Variants in ABCF2 observed in about 807,000 individuals in gnomAD.
ABCF2 encodes the protein ATP binding cassette subfamily F member 2, also known as ATP-binding cassette sub-family F member 2.
Under a neutral mutation model 76.9 loss-of-function variants are expected in ABCF2, and 37 were observed. The observed-to-expected ratio is 0.48, with a 90% CI of 0.37 to 0.63. ABCF2 has a LOEUF of 0.63. Among genes scored for constraint, ABCF2 ranks in the 30% least tolerant of loss-of-function variants. The pLI is 0.00. For synonymous variants in ABCF2, 299 were observed against 283.7 expected, an observed-to-expected ratio of 1.05 and a Z score of -0.54; for missense variants, 524 against 782.1, an observed-to-expected ratio of 0.67 and a Z score of 3.94.
At chr7:151,219,728 T>C (rs1802229036) in intron 7 of ABCF2, among the ~76,000 whole-genome samples, 2 of 152,256 alleles carry the variant, frequency 1.3e-5, no homozygotes, top group African/African-American at 4.8e-5. Context: ...AGATTGTGAT[T>C]GATTTATATA....
At position 151,223,175 on chromosome 7, in the gene ABCF2, T is replaced by C. The variant is rs1802305901; in HGVS notation, c.722+503A>G. Among the ~76,000 whole-genome samples the C allele has an allele frequency of 2.6e-5, 4 of 152,288 alleles. No individual in the cohort carries two copies. The South Asian group carries it at 8.3e-4, about 32-fold the overall frequency. On this transcript the variant is annotated intron_variant, in intron 5 of 14. Coordinates refer to ENST00000287844, the MANE Select transcript of ABCF2 (RefSeq NM_007189.3). ...TTCTAGAGAAGTATATCAAGTCTTA[T>C]AAATTCCCTTCACAGAGAATGATGG...
chr7:151,217,791 C>CAA (rs376651941), intron 11 of ABCF2, among the ~76,000 whole-genome samples: 4 of 131,660 alleles, frequency 3.0e-5, no homozygotes, highest in Non-Finnish European at 3.3e-5. Context: ...GACTCCACCT[C>CAA]AAAAAAAAAA....
chr7:151,223,557 ATGTCCATGTCTCATT>A, intron 5 of ABCF2, 106 bp downstream of exon 5: 1 of 1,160,542 alleles, frequency 8.6e-7, no homozygotes, highest in Non-Finnish European at 1.2e-6. Flanking sequence ...CACACTGCAG[ATGTCCATGTCTCATT>A]TGACACTTAC....
chr7:151,215,581 T>C lies in ABCF2; in HGVS notation c.1530+23A>G, dbSNP rs547687933. 1.7e-4 allele frequency: 274 copies of C among 1,613,522 alleles called. 3 individuals are homozygous for C. The South Asian group carries it at 2.7e-3, about 16-fold the overall frequency. On this transcript the variant is annotated intron_variant, in intron 13 of 14. Transcript: ENST00000287844. This position sits in a 1 kb window ranked among gnomAD's most constrained non-coding sequence, Gnocchi z 4.6. ...ACAGTCTGCCAGCTATCTGGCATCC[T>C]CACCACACCCTCCTTTACTGACCTG...
In ABCF2 at chr7:151,211,560, T is replaced by C; in HGVS notation, c.*2494A>G. ...CAAGGTTGACATTTTTCTTGACAAA[T>C]AAGCTGACTAGACTATTTCCATTCC... is the stretch of plus-strand genomic sequence containing the variant. On this transcript the variant is annotated 3_prime_UTR_variant, in exon 15 of 15. Transcript: ENST00000287844. 1.0e-6 allele frequency: 1 copy of C among 985,382 alleles called. No individual in the cohort carries two copies. The highest frequency in any genetic ancestry group is 1.2e-6 in the Non-Finnish European group (1 of 829,874). The allele number at this position is 985,382 out of a possible 1,614,324, so 61.0% of individuals were successfully genotyped here.
In ABCF2 at chr7:151,219,096, G is replaced by A; in HGVS notation, c.985C>T (p.His329Tyr). ...TGTGCAATCTGATCTTGCTCCCAGT[G>A]AAACCTCTTCATCTGGTTCTCCTCC... ...ELEENQMKRFHWEQDQIAHMK... is the reference protein window; with the variant it reads ...ELEENQMKRFYWEQDQIAHMK... Residue 329 changes from histidine to tyrosine, a missense_variant, in exon 8 of 15, where the codon CAC (histidine) becomes TAC (tyrosine). Around this residue, in one of 2 missense-constraint regions of ABCF2, gnomAD observed 330 missense variants for 433.6 expected, o/e 0.76. Transcript: ENST00000287844. 6.2e-7 allele frequency: 1 copy of A among 1,614,062 alleles called. No homozygotes were observed. The highest frequency in any genetic ancestry group is 8.5e-7 in the Non-Finnish European group (1 of 1,180,030).
At chr7:151,219,465 G>A (rs1802223489) in intron 7 of ABCF2, among the ~76,000 whole-genome samples, 1 of 152,186 alleles carries the variant, frequency 6.6e-6, no homozygotes, top group South Asian at 2.1e-4. Context: ...ACGTCACGAG[G>A]CTCAGAGCCT....
intron 1 of ABCF2, 25 bp from the exon 2 acceptor site, chr7:151,226,525 C>T (rs1021869473): frequency 2.0e-6 from 3 of 1,535,670 alleles, no homozygotes; most frequent in African/African-American, 1.4e-5. Flanking sequence ...ACAGATACCC[C>T]CAAACCCTAA....
rs1055270021 is a variant in ABCF2 at position 151,213,155 on chromosome 7, A to G, written c.*899T>C. ...CCACGCTCCTGGACAGTGGTTCTCA[A>G]AATAGTCTCTAGACCAGCAACAACA... is the stretch of plus-strand genomic sequence containing the variant. On this transcript the variant is annotated 3_prime_UTR_variant, in exon 15 of 15. Coordinates refer to ENST00000287844, the MANE Select transcript of ABCF2 (RefSeq NM_007189.3). 1.0e-6 allele frequency: 1 copy of G among 985,306 alleles called. No individual in the cohort carries two copies. The highest frequency in any genetic ancestry group is 1.7e-5 in the African/African-American group (1 of 57,222). The allele number at this position is 985,306 out of a possible 1,614,324, so 61.0% of individuals were successfully genotyped here. A position where few individuals can be genotyped will look rare whatever the true frequency, so the allele number is the denominator to read the frequency against.
Position 151,214,866 on chromosome 7 carries a change from G to T in ABCF2, c.1734+13C>A. 6.2e-7 allele frequency: 1 copy of T among 1,613,884 alleles called. No homozygotes were observed. The highest frequency in any genetic ancestry group is 1.3e-5 in the African/African-American group (1 of 75,022). ...AAGCTCTGCTGTGCCTCACCCCCTG[G>T]CCAGGGCCTCACCTGCTGAATGAGT... is the stretch of plus-strand genomic sequence containing the variant. On this transcript the variant is annotated intron_variant, in intron 14 of 14. Transcript: ENST00000287844. The surrounding 1 kb of genome is among the most constrained non-coding windows in gnomAD (Gnocchi z 4.9).
Position 151,215,830 on chromosome 7 carries a change from T to G in ABCF2, c.1402-98A>C. 6.3e-7 allele frequency: 1 copy of G among 1,597,466 alleles called. No individual in the cohort carries two copies. Among genetic ancestry groups the G allele is most frequent in the South Asian group, 1.1e-5 (1 of 89,668 alleles). On this transcript the variant is annotated intron_variant, in intron 12 of 14. Coordinates refer to ENST00000287844, the MANE Select transcript of ABCF2 (RefSeq NM_007189.3). This position sits in a 1 kb window ranked among gnomAD's most constrained non-coding sequence, Gnocchi z 4.6. ...CTATTTCTATCCCAGGCACCTGTTCTGGGTTCAAGAAGCAGGTAGGAGCCA... is the reference window on the plus strand; with the variant it reads ...CTATTTCTATCCCAGGCACCTGTTCGGGGTTCAAGAAGCAGGTAGGAGCCA...
At position 151,212,978 on chromosome 7, in the gene ABCF2, G is replaced by A; in HGVS notation, c.*1076C>T. 1.4e-6 allele frequency: 1 copy of A among 710,918 alleles called. No individual in the cohort carries two copies. Among genetic ancestry groups the A allele is most frequent in the Non-Finnish European group, 1.7e-6 (1 of 579,536 alleles). The allele number at this position is 710,918 out of a possible 1,614,324, so 44.0% of individuals were successfully genotyped here. ...CGGGTTTTGCCATGTTTCCCAAGCT[G>A]GTCTTGAACTCCTGAGCTCAAGTGA... On this transcript the variant is annotated 3_prime_UTR_variant, in exon 15 of 15. Coordinates refer to ENST00000287844, the MANE Select transcript of ABCF2 (RefSeq NM_007189.3).
In ABCF2 at chr7:151,213,597, G is replaced by A. The variant is rs1584836499; in HGVS notation, c.*457C>T. ...TAAATAATTATTTAAAAACTGACCA[G>A]GACGAAGGTCCTGGTCCGGAGCTCC... On this transcript the variant is annotated 3_prime_UTR_variant, in exon 15 of 15. Transcript: ENST00000287844. The A allele has an allele frequency of 2.0e-6, 2 of 991,592 alleles. No individual in the cohort carries two copies. The highest frequency in any genetic ancestry group is 2.4e-6 in the Non-Finnish European group (2 of 834,556). 61.4% of individuals were successfully genotyped at this position (991,592 alleles called of 1,614,324 possible).
Position 151,224,831 on chromosome 7 carries a change from G to C in ABCF2, c.312C>G (p.Thr104=). ...TFHGQELLSD[T]KLELNSGRRY... is the part of the protein sequence containing the mutation. ...GACGGCCTGAGTTTAATTCCAGTTT[G>C]GTGTCACTGAGCAGCTCTTGACCAT... The change falls in exon 3 of 15, where the codon ACC becomes ACG. Residue 104 remains threonine, a synonymous_variant. Coordinates refer to ENST00000287844, the MANE Select transcript of ABCF2 (RefSeq NM_007189.3). 6.2e-7 allele frequency: 1 copy of C among 1,614,166 alleles called. No individual in the cohort carries two copies. The highest frequency in any genetic ancestry group is 1.1e-5 in the South Asian group (1 of 91,082).
Position 151,214,275 on chromosome 7 carries a change from A to T in ABCF2, c.1735-84T>A. ...CAGACTGTCCTGAGGGGCGTCTAGGAAGAAAACTCCGCCCCCCAAACCCAT... is the reference window on the plus strand; with the variant it reads ...CAGACTGTCCTGAGGGGCGTCTAGGTAGAAAACTCCGCCCCCCAAACCCAT... On this transcript the variant is annotated intron_variant, in intron 14 of 14. Transcript: ENST00000287844. The surrounding 1 kb of genome is among the most constrained non-coding windows in gnomAD (Gnocchi z 4.9). The T allele has an allele frequency of 6.3e-7, 1 of 1,599,148 alleles. No individual in the cohort carries two copies.
intron 6 of ABCF2, 139 bp from the exon 7 acceptor site, chr7:151,221,819 C>A: frequency 1.5e-6 from 1 of 667,734 alleles, no homozygotes. Flanking sequence ...TAGCAAGCAC[C>A]TAAGCCACGA....
intron 11 of ABCF2, among the ~76,000 whole-genome samples, chr7:151,216,955 G>A (rs1802163570): frequency 6.6e-6 from 1 of 152,134 alleles, no homozygotes; most frequent in Admixed American, 6.5e-5. Context: ...AAGAGTGGTG[G>A]GTTAAACCAA....
Position 151,213,865 on chromosome 7 carries a change from C to T in ABCF2, c.*189G>A, listed in dbSNP as rs1282416200. ...ATGTAACTGGAAGGAGGACAGGAAACAGACAGGTACTGTCCAGCTGTAGGT... is the reference window on the plus strand; with the variant it reads ...ATGTAACTGGAAGGAGGACAGGAAATAGACAGGTACTGTCCAGCTGTAGGT... On this transcript the variant is annotated 3_prime_UTR_variant, in exon 15 of 15. Transcript: ENST00000287844. The T allele has an allele frequency of 9.9e-6, 14 of 1,411,954 alleles. No individual in the cohort carries two copies. Among genetic ancestry groups the T allele is most frequent in the Admixed American group, 3.1e-5 (1 of 32,322 alleles). The allele number at this position is 1,411,954 out of a possible 1,614,324, so 87.5% of individuals were successfully genotyped here.
intron 6 of ABCF2, among the ~76,000 whole-genome samples, chr7:151,222,216 T>C (rs1314657242): frequency 2.0e-5 from 3 of 152,022 alleles, no homozygotes; most frequent in African/African-American, 7.3e-5. Flanking sequence ...TCTTTTTAGC[T>C]TTATACAATT....
Sources: allele counts gnomAD v4.1 joint callset (sites outside exome capture counted in the v4.1 genomes callset), GRCh38; gene constraint gnomAD v4.1.1; regional missense constraint gnomAD v4.1.1; non-coding constraint Gnocchi (gnomAD v3.1); transcripts MANE v1.5; gene names NCBI Gene and HGNC (gene_info 2026-07-23, HGNC 2026-07-21).